The following EPB41L2 variants were observed in gnomAD, a reference collection of about 807,000 sequenced individuals.
EPB41L2 encodes erythrocyte membrane protein band 4.1 like 2.
Under a neutral mutation model 113.0 loss-of-function variants are expected in EPB41L2, and 43 were observed. The ratio of observed to expected loss-of-function variants is 0.38; its 90% CI spans 0.30 to 0.49. The LOEUF is 0.49. Ranked by LOEUF, EPB41L2 falls within the 20% of genes least tolerant of loss-of-function variation. EPB41L2 has a pLI of 0.95. For missense variants in EPB41L2, 1,147 were observed against 1,223.4 expected (o/e 0.94, Z 0.93); for synonymous variants, 442 against 436.7 (o/e 1.01, Z -0.15).
chr6:130,947,019 C>CG (rs973785999), intron 3 of EPB41L2, among the ~76,000 whole-genome samples: 1 of 117,590 alleles, frequency 8.5e-6, no homozygotes, highest in African/African-American at 3.1e-5. Context: ...TAAAGAAGAC[C>CG]CCCCCCCCAG....
At chr6:130,960,358 A>T (rs2128631743) in intron 1 of EPB41L2, among the ~76,000 whole-genome samples, 1 of 152,348 alleles carries the variant, frequency 6.6e-6, no homozygotes, top group South Asian at 2.1e-4. Flanking sequence ...TTATAGATGA[A>T]TTTAAATAAC....
chr6:131,028,741 A>G (rs371434136), intron 1 of EPB41L2, among the ~76,000 whole-genome samples: 14 of 152,314 alleles, frequency 9.2e-5, no homozygotes, highest in African/African-American at 2.9e-4. Flanking sequence ...CCTACCACAG[A>G]TAAGTATGTA....
intron 4 of EPB41L2, among the ~76,000 whole-genome samples, chr6:130,913,996 A>G (rs1800196764): frequency 6.6e-6 from 1 of 152,186 alleles, no homozygotes; most frequent in Non-Finnish European, 1.5e-5. Context: ...GCCAGGTTTT[A>G]GACTTAAAGA....
chr6:130,865,349 G>A lies in EPB41L2; in HGVS notation c.2829+187C>T, dbSNP rs7751059. Among the ~76,000 whole-genome samples the A allele has an allele frequency of 1.1e-3, 173 of 152,218 alleles. 1 individual carries two copies. The highest frequency in any genetic ancestry group is 3.9e-3 in the African/African-American group (160 of 41,528). ...TTACCCCCTTGTACTTCACAAAATTGCAATTTGGCTTGAATGCATTTGTCA... is the reference window on the plus strand; with the variant it reads ...TTACCCCCTTGTACTTCACAAAATTACAATTTGGCTTGAATGCATTTGTCA... On this transcript the variant is annotated intron_variant, in intron 17 of 19. Coordinates refer to ENST00000337057, the MANE Select transcript of EPB41L2 (RefSeq NM_001431.4).
chr6:131,016,477 A>AACACACACACACAC (rs10584309), intron 1 of EPB41L2, among the ~76,000 whole-genome samples: 60 of 143,534 alleles, frequency 4.2e-4, no homozygotes, highest in East Asian at 3.5e-3. Flanking sequence ...TTAATAAGGA[A>AACACACACACACAC]ACACACACAC....
At chr6:130,957,684 A>G (rs1455700504) in intron 1 of EPB41L2, among the ~76,000 whole-genome samples, 1 of 112,962 alleles carries the variant, frequency 8.9e-6, no homozygotes, top group African/African-American at 4.3e-5. Context: ...TGAATAAGTC[A>G]AAAAAAAAAG....
chr6:130,845,880 G>C (rs1776902886), intron 19 of EPB41L2, among the ~76,000 whole-genome samples: 1 of 152,214 alleles, frequency 6.6e-6, no homozygotes, highest in Non-Finnish European at 1.5e-5. Context: ...ACAATGTCTA[G>C]AGGAAAAGCA....
At chr6:130,918,706 A>G (rs941746617) in intron 4 of EPB41L2, among the ~76,000 whole-genome samples, 5 of 151,940 alleles carry the variant, frequency 3.3e-5, no homozygotes, top group Non-Finnish European at 4.4e-5. Context: ...TTTTCTCTCC[A>G]TGAAAAATTT....
At chr6:130,942,380 A>C (rs543611302) in intron 3 of EPB41L2, among the ~76,000 whole-genome samples, 14 of 152,330 alleles carry the variant, frequency 9.2e-5, no homozygotes, top group African/African-American at 3.4e-4. Context: ...AAAAACAAAA[A>C]CTATGTCAGT....
chr6:130,957,365 G>A (rs988753161), intron 1 of EPB41L2, among the ~76,000 whole-genome samples: 7 of 152,194 alleles, frequency 4.6e-5, no homozygotes, highest in African/African-American at 1.7e-4. Flanking sequence ...AAGTGTTACA[G>A]CACGCTGACA....
At chr6:130,948,218 C>A (rs1401633425) in intron 3 of EPB41L2, among the ~76,000 whole-genome samples, 6 of 152,124 alleles carry the variant, frequency 3.9e-5, no homozygotes, top group East Asian at 1.9e-4. Context: ...CAATTTAAAT[C>A]TTGGTGAATT....
At chr6:130,927,115 CAT>C (rs1431519271) in intron 3 of EPB41L2, among the ~76,000 whole-genome samples, 1 of 152,200 alleles carries the variant, frequency 6.6e-6, no homozygotes, top group Non-Finnish European at 1.5e-5. Context: ...TAGATCCTAA[CAT>C]AATTTATCCT....
Position 130,840,284 on chromosome 6 carries a change from T to G in EPB41L2, c.*320A>C, listed in dbSNP as rs1775069204. On this transcript the variant is annotated 3_prime_UTR_variant, in exon 20 of 20. Transcript: ENST00000337057. ...ACTGTCATTTGATCAAAGTGAGTCA[T>G]TAAAAGCAGGTAGTTGCACACAAAG... 1 of 152,546 alleles carries G rather than the reference T, an allele frequency of 6.6e-6. No individual in the cohort carries two copies. The highest frequency in any genetic ancestry group is 1.5e-5 in the Non-Finnish European group (1 of 68,028). The allele number at this position is 152,546 out of a possible 1,614,324, so 9.4% of individuals were successfully genotyped here. A position where few individuals can be genotyped will look rare whatever the true frequency, so the allele number is the denominator to read the frequency against.
chr6:130,904,428 A>T (rs770606009), intron 6 of EPB41L2, 37 bp downstream of exon 6: 1 of 1,414,230 alleles, frequency 7.1e-7, no homozygotes, highest in East Asian at 2.3e-5. Context: ...CGAGAGCTGT[A>T]AGGAAAGGTT....
intron 4 of EPB41L2, among the ~76,000 whole-genome samples, chr6:130,919,301 G>C (rs1267536911): frequency 6.6e-6 from 1 of 152,036 alleles, no homozygotes; most frequent in African/African-American, 2.4e-5. Flanking sequence ...CAATAAGAAC[G>C]CTACAGTAGA....
chr6:130,902,062 T>C (rs1168853421), intron 6 of EPB41L2, among the ~76,000 whole-genome samples: 1 of 152,222 alleles, frequency 6.6e-6, no homozygotes, highest in Non-Finnish European at 1.5e-5. Context: ...CAATTCCTCT[T>C]GGTAACATTT....
At chr6:131,016,850 A>C (rs1019857407) in intron 1 of EPB41L2, among the ~76,000 whole-genome samples, 39 of 108,366 alleles carry the variant, frequency 3.6e-4, no homozygotes, top group South Asian at 2.1e-3. Context: ...TTCGCACACA[A>C]AAAAAAAACC....
chr6:130,978,143 C>T (rs368313232), intron 1 of EPB41L2, among the ~76,000 whole-genome samples: 1 of 152,236 alleles, frequency 6.6e-6, no homozygotes, highest in Non-Finnish European at 1.5e-5. Context: ...CCAAGAGGCT[C>T]TGCTAGAACC....
intron 3 of EPB41L2, among the ~76,000 whole-genome samples, chr6:130,931,693 G>C (rs1806925984): frequency 6.6e-6 from 1 of 152,144 alleles, no homozygotes; most frequent in East Asian, 1.9e-4. Flanking sequence ...TCTTTGGGGT[G>C]GGGGTGAAGA....
Sources: allele counts gnomAD v4.1 joint callset (sites outside exome capture counted in the v4.1 genomes callset), GRCh38; gene constraint gnomAD v4.1.1; transcripts MANE v1.5; gene names NCBI Gene and HGNC (gene_info 2026-07-23, HGNC 2026-07-21).